FREM1: variants seen among roughly 807,000 people sequenced by gnomAD.
FREM1 encodes FRAS1 related extracellular matrix 1.
Under a neutral mutation model 210.1 loss-of-function variants are expected in FREM1, and 220 were observed. The ratio of observed to expected loss-of-function variants is 1.05; its 90% confidence interval spans 0.94 to 1.17. The LOEUF is 1.17. Among genes scored for constraint, FREM1 ranks in the 50% most tolerant of loss-of-function variants. The pLI, the probability that FREM1 is intolerant of heterozygous loss-of-function variation, is 0.00. For synonymous variants in FREM1, 1,189 were observed against 980.2 expected (o/e 1.21, Z -3.98); for missense variants, 3,454 against 2,675.5 (o/e 1.29, Z -6.42).
chr9:14,807,058 A>G (rs535173536), intron 17 of FREM1, among the ~76,000 whole-genome samples: 4 of 152,306 alleles, frequency 2.6e-5, no homozygotes, highest in South Asian at 2.1e-4. Flanking sequence ...CTATGGAATT[A>G]TATTTTTTTC....
chr9:14,757,201 T>C (rs915969467), intron 28 of FREM1, among the ~76,000 whole-genome samples: 7 of 152,100 alleles, frequency 4.6e-5, no homozygotes, highest in Non-Finnish European at 8.8e-5. Context: ...AAAGAGGCGA[T>C]TTTAGCGCTC....
intron 5 of FREM1, among the ~76,000 whole-genome samples, chr9:14,852,528 A>C (rs1827967490): frequency 6.6e-6 from 1 of 152,134 alleles, no homozygotes; most frequent in African/African-American, 2.4e-5. Context: ...TCTCTACAAA[A>C]AAAGTAAAAA....
intron 1 of FREM1, among the ~76,000 whole-genome samples, chr9:14,905,894 T>A (rs1337251478): frequency 8.4e-6 from 1 of 118,826 alleles, no homozygotes. Flanking sequence ...CTGTCTCAAA[T>A]TTAAAAAAAG....
intron 23 of FREM1, among the ~76,000 whole-genome samples, 181 bp downstream of exon 23, chr9:14,788,738 G>C (rs966528640): frequency 6.6e-6 from 1 of 152,016 alleles, no homozygotes; most frequent in Non-Finnish European, 1.5e-5. Flanking sequence ...GAACCACATA[G>C]GTCCCAGGCA....
intron 8 of FREM1, among the ~76,000 whole-genome samples, chr9:14,845,213 T>C (rs1247783908): frequency 6.6e-6 from 1 of 152,232 alleles, no homozygotes; most frequent in African/African-American, 2.4e-5. Flanking sequence ...TCCCATAGAA[T>C]TATAAATTTA....
At chr9:14,773,490 G>A (rs759820594) in intron 25 of FREM1, among the ~76,000 whole-genome samples, 1 of 152,140 alleles carries the variant, frequency 6.6e-6, no homozygotes, top group South Asian at 2.1e-4. Context: ...TACACTGCTG[G>A]TGGGGTCAGT....
At chr9:14,759,189 C>G (rs1410106801) in intron 28 of FREM1, among the ~76,000 whole-genome samples, 1 of 152,150 alleles carries the variant, frequency 6.6e-6, no homozygotes, top group African/African-American at 2.4e-5. Context: ...CAAATAACAG[C>G]TTTCAAAATT....
chr9:14,824,434 T>A (rs578215110), intron 11 of FREM1, among the ~76,000 whole-genome samples: 1 of 152,326 alleles, frequency 6.6e-6, no homozygotes, highest in South Asian at 2.1e-4. Context: ...TTTTTCTAGA[T>A]TGAGATCATA....
intron 1 of FREM1, among the ~76,000 whole-genome samples, chr9:14,896,370 T>C (rs1837717311): frequency 6.6e-6 from 1 of 151,640 alleles, no homozygotes. Flanking sequence ...ATGGTGAAAC[T>C]CCATCTCTAC....
intron 20 of FREM1, 90 bp from the exon 21 acceptor site, chr9:14,797,732 G>C: frequency 1.8e-6 from 2 of 1,113,962 alleles, no homozygotes; most frequent in Non-Finnish European, 2.6e-6. Context: ...TTCAAGGCAG[G>C]GGTATTAGCA....
At position 14,824,810 on chromosome 9, in the gene FREM1, G is replaced by A. The variant is rs777687704; in HGVS notation, c.2064C>T (p.Phe688=). The A allele has an allele frequency of 6.2e-7, 1 of 1,611,166 alleles. No individual in the cohort carries two copies. Among genetic ancestry groups the A allele is most frequent in the Admixed American group, 1.7e-5 (1 of 59,734 alleles). The change falls in exon 11 of 37, where the codon TTC becomes TTT. Residue 688 remains phenylalanine (F), a synonymous_variant. Transcript: ENST00000380880. The part of the protein sequence containing the change: ...LVYTITTPPF[F]SFSHRHLDAG... ...TTTTCAGATACCTGTGGCTGAAGGA[G>A]AAAAATGGAGGAGTAGTTATTGTGT...
At chr9:14,783,839 T>C (rs1849997077) in intron 24 of FREM1, among the ~76,000 whole-genome samples, 1 of 152,244 alleles carries the variant, frequency 6.6e-6, no homozygotes, top group Non-Finnish European at 1.5e-5. Context: ...ATCTACTTTA[T>C]GACAACATGA....
rs1050290102 is a variant in FREM1 at position 14,832,228 on chromosome 9, G to C, written c.1882-7236C>G. Among the ~76,000 whole-genome samples the C allele has an allele frequency of 3.3e-5, 5 of 152,310 alleles. No homozygotes were observed. The East Asian group carries it at 9.7e-4, about 29-fold the overall frequency. On this transcript the variant is annotated intron_variant, in intron 10 of 36. Transcript: ENST00000380880. ...CATCTGAGGGTCCCCCTTATTTGGG[G>C]CCCCTTCAAGTTCCCTTCTCATTGC...
chr9:14,867,279 G>A (rs1045436491), intron 2 of FREM1, among the ~76,000 whole-genome samples: 1 of 152,188 alleles, frequency 6.6e-6, no homozygotes, highest in African/African-American at 2.4e-5. Flanking sequence ...GCAATCCCAG[G>A]TATCTTCTTT....
intron 1 of FREM1, among the ~76,000 whole-genome samples, chr9:14,909,525 A>G (rs145706802): frequency 6.6e-6 from 1 of 152,362 alleles, no homozygotes; most frequent in Admixed American, 6.5e-5. Flanking sequence ...TGTTTGTACC[A>G]TGAGGATATT....
rs72709577 is a variant in FREM1 at position 14,766,886 on chromosome 9, T to G, written c.5204+2838A>C. On this transcript the variant is annotated intron_variant, in intron 27 of 36. Coordinates refer to ENST00000380880, the MANE Select transcript of FREM1 (RefSeq NM_001379081.2). ...CTTTGTGATTCATCCCAGGATCAATTTCTAATTAGAGGCAGGCTTTCTAAT... is the reference window on the plus strand; with the variant it reads ...CTTTGTGATTCATCCCAGGATCAATGTCTAATTAGAGGCAGGCTTTCTAAT... 2.7e-3 allele frequency among the ~76,000 whole-genome samples: 417 copies of G among 152,326 alleles called. 1 individual carries two copies. Among genetic ancestry groups the G allele is most frequent in the Admixed American group, 5.4e-3 (82 of 15,290 alleles).
At position 14,857,630 on chromosome 9, in the gene FREM1, C is replaced by T; in HGVS notation, c.751G>A (p.Asp251Asn). Residue 251 changes from aspartate to asparagine, a missense_variant, in exon 5 of 37, where the codon GAT becomes AAT. Coordinates refer to ENST00000380880, the MANE Select transcript of FREM1 (RefSeq NM_001379081.2). ...TAATCAATGTTGGGTGAAGGGGGAT[C>T]CAGATGCTGATAACGAAGGCCCATC... ...LLMGLRYQHL[D>N]PPSPNIDYIS... The T allele has an allele frequency of 6.2e-7, 1 of 1,613,868 alleles. No individual in the cohort carries two copies. The highest frequency in any genetic ancestry group is 8.5e-7 in the Non-Finnish European group (1 of 1,179,842).
At chr9:14,835,029 A>G (rs555587262) in intron 10 of FREM1, among the ~76,000 whole-genome samples, 1 of 152,334 alleles carries the variant, frequency 6.6e-6, no homozygotes, top group African/African-American at 2.4e-5. Flanking sequence ...CAGGTTTGTA[A>G]TAGCTTTGAA....
chr9:14,746,071 C>T (rs1288456779), intron 35 of FREM1, among the ~76,000 whole-genome samples: 1 of 152,128 alleles, frequency 6.6e-6, no homozygotes, highest in Non-Finnish European at 1.5e-5. Context: ...AGAAACATGG[C>T]AATGGTGCAG....
Sources: allele counts gnomAD v4.1 joint callset (sites outside exome capture counted in the v4.1 genomes callset), GRCh38; gene constraint gnomAD v4.1.1; transcripts MANE v1.5; gene names NCBI Gene and HGNC (gene_info 2026-07-23, HGNC 2026-07-21).